Variants in CRYZL1 observed in about 807,000 individuals in gnomAD.
CRYZL1 encodes the protein crystallin zeta like 1, also known as ferry endosomal RAB5 effector complex subunit 4.
In CRYZL1, 34 loss-of-function variants were observed where a neutral mutation model predicts 50.6. The observed-to-expected ratio is 0.67, with a 90% confidence interval of 0.51 to 0.89. CRYZL1 has a LOEUF of 0.89. CRYZL1 is among the 40% of genes least tolerant of loss of function. The probability of loss-of-function intolerance (pLI) is 0.00; values close to 1 mark genes in which losing one functional copy is unlikely to be tolerated. For missense variants in CRYZL1, 354 were observed against 402.3 expected (o/e 0.88, Z 1.03); for synonymous variants, 125 against 134.3 (o/e 0.93, Z 0.48).
At chr21:33,613,449 G>T in intron 6 of CRYZL1, 89 bp downstream of exon 6, 2 of 891,556 alleles carry the variant, frequency 2.2e-6, no homozygotes, top group South Asian at 1.5e-5. Context: ...CAACACTTAT[G>T]GTAGATTCAA....
At chr21:33,633,848 T>C (rs1372005825) in intron 1 of CRYZL1, 1 of 152,226 alleles carries the variant, frequency 6.6e-6, no homozygotes, top group Non-Finnish European at 1.5e-5. Context: ...TAGCAGAGCA[T>C]GAAATCAAGC....
chr21:33,596,610 C>G (rs1414259772), intron 10 of CRYZL1, among the ~76,000 whole-genome samples: 1 of 151,836 alleles, frequency 6.6e-6, no homozygotes, highest in African/African-American at 2.4e-5. Context: ...TGTGCTCCAG[C>G]CTGGGCAACA....
intron 9 of CRYZL1, 111 bp downstream of exon 9, chr21:33,599,039 G>T: frequency 3.3e-6 from 3 of 914,896 alleles, no homozygotes; most frequent in South Asian, 3.4e-5. Context: ...ACCTAAAACT[G>T]AACATCTGGT....
At chr21:33,630,496 G>C (rs1397272220) in intron 2 of CRYZL1, among the ~76,000 whole-genome samples, 1 of 151,840 alleles carries the variant, frequency 6.6e-6, no homozygotes, top group Non-Finnish European at 1.5e-5. Flanking sequence ...TGAGGTAGGA[G>C]AATCACTTGA....
intron 4 of CRYZL1, 54 bp from the exon 5 acceptor site, chr21:33,616,804 C>A: frequency 2.2e-6 from 3 of 1,384,536 alleles, no homozygotes; most frequent in South Asian, 2.9e-5. Context: ...AAATATAATT[C>A]TTATCTATTA....
intron 2 of CRYZL1, among the ~76,000 whole-genome samples, chr21:33,630,558 C>T (rs540962155): frequency 5.9e-4 from 90 of 151,558 alleles, no homozygotes; most frequent in African/African-American, 2.1e-3. Context: ...TGCCCTCCAG[C>T]CTGGGCAACA....
intron 8 of CRYZL1, 116 bp downstream of exon 8, chr21:33,602,118 T>C (rs1250272121): frequency 3.1e-6 from 2 of 638,250 alleles, no homozygotes; most frequent in Non-Finnish European, 5.6e-6. Context: ...GAGGTTACAG[T>C]TGTGAGCCAC....
intron 3 of CRYZL1, among the ~76,000 whole-genome samples, chr21:33,623,181 G>C (rs572961505): frequency 6.6e-6 from 1 of 152,062 alleles, no homozygotes; most frequent in South Asian, 2.1e-4. Flanking sequence ...GGCCAGGATG[G>C]TCTTGATCTC....
rs747707916 is a variant in CRYZL1 at position 33,624,784 on chromosome 21, A to C, written c.67-24T>G. The C allele has an allele frequency of 3.8e-6, 6 of 1,579,454 alleles. No individual in the cohort carries two copies. The East Asian group carries it at 1.4e-4, about 36-fold the overall frequency. ...TCCTAGAACCAAATGATAACAAAAC[A>C]ATATGTTATTTTACACATTCCTATG... On this transcript the variant is annotated intron_variant, in intron 2 of 12. Coordinates refer to ENST00000381554, the MANE Select transcript of CRYZL1 (RefSeq NM_145858.3).
At chr21:33,641,084 C>T in intron 1 of CRYZL1, 1 of 1,526,676 alleles carries the variant, frequency 6.6e-7, no homozygotes, top group East Asian at 2.5e-5. Flanking sequence ...TCAGGTAAAA[C>T]CTTTCTACTC....
chr21:33,602,981 T>C (rs532851878), intron 7 of CRYZL1, among the ~76,000 whole-genome samples: 1 of 152,366 alleles, frequency 6.6e-6, no homozygotes, highest in South Asian at 2.1e-4. Context: ...TATTTTTTGA[T>C]ATATGTAATA....
Position 33,603,551 on chromosome 21 carries a change from C to T in CRYZL1, c.332-14G>A. On this transcript the variant is annotated splice_polypyrimidine_tract_variant and intron_variant, in intron 6 of 12. Transcript: ENST00000381554. ...CTGGTTTATGAACTATCATAAAGAA[C>T]AAGAAGAAACAATCTGTTAGCAAGT... The T allele has an allele frequency of 1.9e-6, 3 of 1,613,574 alleles. No homozygotes were observed. Among genetic ancestry groups the T allele is most frequent in the Non-Finnish European group, 2.5e-6 (3 of 1,179,992 alleles).
At chr21:33,611,656 A>G (rs1462651111) in intron 6 of CRYZL1, among the ~76,000 whole-genome samples, 1 of 152,220 alleles carries the variant, frequency 6.6e-6, no homozygotes, top group Non-Finnish European at 1.5e-5. Context: ...GTTCAAGAAC[A>G]TAAGAGAAGG....
At position 33,592,914 on chromosome 21, in the gene CRYZL1, T is replaced by C. The variant is rs539503135; in HGVS notation, c.905-1707A>G. Among the ~76,000 whole-genome samples the C allele has an allele frequency of 4.6e-5, 7 of 152,034 alleles. No individual in the cohort carries two copies. In the East Asian group the frequency reaches 1.2e-3, roughly 26 times the overall value. ...TAAAAATACAAAAATTAGGTGGGCATGGTGGCATGCGCCTATAGTCTCAGC... is the reference window on the plus strand; with the variant it reads ...TAAAAATACAAAAATTAGGTGGGCACGGTGGCATGCGCCTATAGTCTCAGC... On this transcript the variant is annotated intron_variant, in intron 11 of 12. Transcript: ENST00000381554.
At chr21:33,613,020 T>A (rs1185373812) in intron 6 of CRYZL1, among the ~76,000 whole-genome samples, 1 of 152,034 alleles carries the variant, frequency 6.6e-6, no homozygotes, top group Non-Finnish European at 1.5e-5. Context: ...GAGACCAGGT[T>A]TTGCTATGTT....
At chr21:33,615,045 T>C (rs2086913455) in intron 5 of CRYZL1, among the ~76,000 whole-genome samples, 1 of 152,316 alleles carries the variant, frequency 6.6e-6, no homozygotes, top group South Asian at 2.1e-4. Flanking sequence ...AAGGCAATAC[T>C]ATAAAAAGCT....
intron 1 of CRYZL1, among the ~76,000 whole-genome samples, chr21:33,633,151 G>T (rs1466879174): frequency 1.3e-5 from 2 of 152,134 alleles, no homozygotes; most frequent in Non-Finnish European, 2.9e-5. Context: ...CACTTGAATT[G>T]TTTCCAGTTT....
intron 1 of CRYZL1, among the ~76,000 whole-genome samples, chr21:33,631,766 C>G (rs958321738): frequency 6.6e-6 from 1 of 152,184 alleles, no homozygotes; most frequent in Non-Finnish European, 1.5e-5. Flanking sequence ...AATGGGTTTA[C>G]AGTTCAACCT....
intron 5 of CRYZL1, 164 bp downstream of exon 5, chr21:33,616,542 T>G: frequency 6.9e-7 from 1 of 1,445,280 alleles, no homozygotes; most frequent in Non-Finnish European, 9.3e-7. Flanking sequence ...TTCGCCCACC[T>G]TGGCCTCCCA....
Sources: allele counts gnomAD v4.1 joint callset (sites outside exome capture counted in the v4.1 genomes callset), GRCh38; gene constraint gnomAD v4.1.1; transcripts MANE v1.5; gene names NCBI Gene and HGNC (gene_info 2026-07-23, HGNC 2026-07-21).